MACROD2: variants seen among roughly 807,000 people sequenced by gnomAD.
MACROD2 encodes the protein ADP-ribose glycohydrolase MACROD2.
Under a neutral mutation model 70.4 loss-of-function variants are expected in MACROD2, and 36 were observed. The ratio of observed to expected loss-of-function variants is 0.51; its 90% CI spans 0.39 to 0.68. The LOEUF (loss-of-function observed/expected upper bound fraction) is 0.68. MACROD2 is among the 30% of genes least tolerant of loss of function. The probability of loss-of-function intolerance (pLI) is 0.00; values close to 1 mark genes in which losing one functional copy is unlikely to be tolerated. For missense variants in MACROD2, 496 were observed against 538.4 expected, an observed-to-expected ratio of 0.92 and a Z score of 0.78; for synonymous variants, 172 against 178.8, an observed-to-expected ratio of 0.96 and a Z score of 0.30.
At chr20:14,116,920 A>T (rs758718945) in intron 3 of MACROD2, among the ~76,000 whole-genome samples, 10 of 152,084 alleles carry the variant, frequency 6.6e-5, no homozygotes, top group Non-Finnish European at 1.3e-4. Context: ...TACAAAAATT[A>T]GCCAGTTGTG....
chr20:14,978,591 G>C (rs2048209495), intron 5 of MACROD2, among the ~76,000 whole-genome samples: 1 of 151,342 alleles, frequency 6.6e-6, no homozygotes, highest in African/African-American at 2.4e-5. Flanking sequence ...ACCTTAAAAG[G>C]TTATTTAAAG....
At chr20:15,502,052 C>T (rs2146495207) in intron 8 of MACROD2, among the ~76,000 whole-genome samples, 1 of 152,046 alleles carries the variant, frequency 6.6e-6, no homozygotes, top group Admixed American at 6.6e-5. Flanking sequence ...CACTGAAAAA[C>T]AAAATCCTTG....
chr20:14,031,307 G>T (rs1434268123), intron 2 of MACROD2, among the ~76,000 whole-genome samples: 1 of 152,114 alleles, frequency 6.6e-6, no homozygotes, highest in Non-Finnish European at 1.5e-5. Context: ...TTAAAAGTAA[G>T]TACAATATGT....
intron 12 of MACROD2, among the ~76,000 whole-genome samples, chr20:15,950,632 G>T (rs1280726162): frequency 6.6e-6 from 1 of 152,136 alleles, no homozygotes; most frequent in African/African-American, 2.4e-5. Flanking sequence ...CTGGAAAACG[G>T]CACTTCCTTT....
intron 5 of MACROD2, chr20:14,884,464 C>G (rs1160940579): frequency 1.3e-5 from 2 of 152,076 alleles, no homozygotes; most frequent in African/African-American, 4.8e-5. Flanking sequence ...GTCATTGATT[C>G]TTTGGATCCA....
chr20:15,564,298 T>C (rs2048283316), intron 8 of MACROD2, among the ~76,000 whole-genome samples: 1 of 152,374 alleles, frequency 6.6e-6, no homozygotes, highest in African/African-American at 2.4e-5. Context: ...AACACTGGTA[T>C]CTTTTTGACA....
intron 8 of MACROD2, among the ~76,000 whole-genome samples, chr20:15,588,600 T>A (rs1345078728): frequency 2.0e-5 from 3 of 152,228 alleles, no homozygotes; most frequent in Non-Finnish European, 4.4e-5. Context: ...TAATGCTTTT[T>A]TGCCTAGAAA....
intron 6 of MACROD2, among the ~76,000 whole-genome samples, chr20:15,285,327 T>C (rs2077481010): frequency 6.6e-6 from 1 of 152,194 alleles, no homozygotes; most frequent in African/African-American, 2.4e-5. Flanking sequence ...ATTGTTTAAT[T>C]ATCCATTAGA....
chr20:15,346,248 A>C (rs1175580547), intron 6 of MACROD2, among the ~76,000 whole-genome samples: 1 of 152,106 alleles, frequency 6.6e-6, no homozygotes, highest in Non-Finnish European at 1.5e-5. Context: ...CAAAAGGTAG[A>C]TATCTTTAAA....
At chr20:14,651,907 T>C (rs921588132) in intron 4 of MACROD2, among the ~76,000 whole-genome samples, 4 of 152,172 alleles carry the variant, frequency 2.6e-5, no homozygotes, top group African/African-American at 7.2e-5. Flanking sequence ...GCAGCCTCTG[T>C]TTCTTGTTTA....
chr20:15,888,430 C>T (rs6074962), intron 10 of MACROD2, among the ~76,000 whole-genome samples: 20,670 of 152,066 alleles, frequency 0.14, 1,682 homozygotes, highest in South Asian at 0.29. Context: ...CTTTCAAGCA[C>T]CCGGTATAAG....
chr20:14,660,723 C>T (rs184716583), intron 4 of MACROD2, among the ~76,000 whole-genome samples: 1 of 152,040 alleles, frequency 6.6e-6, no homozygotes, highest in Non-Finnish European at 1.5e-5. Context: ...TTTTGGAATC[C>T]CCAGTGTTTA....
chr20:14,417,773 T>C (rs2083826767), intron 3 of MACROD2, among the ~76,000 whole-genome samples: 1 of 152,234 alleles, frequency 6.6e-6, no homozygotes, highest in Non-Finnish European at 1.5e-5. Flanking sequence ...GTATTACTTC[T>C]GTTTTGAATC....
chr20:14,824,290 C>T (rs552514842), intron 5 of MACROD2, among the ~76,000 whole-genome samples: 1 of 152,044 alleles, frequency 6.6e-6, no homozygotes, highest in Admixed American at 6.6e-5. Context: ...CTGCAGAATT[C>T]TTGGGAGTTG....
At chr20:15,467,447 T>G (rs1884706) in intron 7 of MACROD2, among the ~76,000 whole-genome samples, 79,459 of 152,080 alleles carry the variant, frequency 0.52, 22,684 homozygotes, top group East Asian at 0.84. Flanking sequence ...ATACATTATC[T>G]CAGTTAATCT....
In MACROD2 at chr20:14,837,060, A is replaced by G. The variant is rs190990006; in HGVS notation, c.418+152101A>G. Among the ~76,000 whole-genome samples the G allele has an allele frequency of 2.6e-5, 3 of 115,544 alleles. No homozygotes were observed. In the East Asian group the frequency reaches 6.4e-4, roughly 25 times the overall value. The allele number at this position is 115,544 out of a possible 152,430, so 75.8% of individuals were successfully genotyped here. Reference sequence around the variant, plus strand: ...ATTGATCTGTAAATTAAAGAATTTTAAATAATGAGTGTTTTCTCTCTTCAC... The same window carrying G: ...ATTGATCTGTAAATTAAAGAATTTTGAATAATGAGTGTTTTCTCTCTTCAC... On this transcript the variant is annotated intron_variant, in intron 5 of 17. Transcript: ENST00000684519.
chr20:16,025,944 G>A (rs1448042619), intron 15 of MACROD2, among the ~76,000 whole-genome samples: 2 of 150,880 alleles, frequency 1.3e-5, no homozygotes, highest in African/African-American at 2.4e-5. Flanking sequence ...TCAGGAGTTG[G>A]AGACCAGCCT....
intron 5 of MACROD2, among the ~76,000 whole-genome samples, chr20:14,716,616 T>G (rs1180120672): frequency 6.6e-6 from 1 of 152,204 alleles, no homozygotes; most frequent in African/African-American, 2.4e-5. Context: ...TGTTAGCGAT[T>G]CAGTTTCTGA....
At chr20:14,738,881 A>G (rs1012232725) in intron 5 of MACROD2, among the ~76,000 whole-genome samples, 1 of 152,056 alleles carries the variant, frequency 6.6e-6, no homozygotes, top group Admixed American at 6.6e-5. Flanking sequence ...TAATCAAATT[A>G]GAAAATAATA....
Sources: allele counts gnomAD v4.1 joint callset (sites outside exome capture counted in the v4.1 genomes callset), GRCh38; gene constraint gnomAD v4.1.1; transcripts MANE v1.5; gene names NCBI Gene and HGNC (gene_info 2026-07-23, HGNC 2026-07-21).